EYS: variants seen among roughly 807,000 people sequenced by gnomAD.
The protein encoded by EYS is protein eyes shut homolog.
Under a neutral mutation model 282.1 loss-of-function variants are expected in EYS, and 250 were observed. That is an observed-to-expected ratio of 0.89 (90% CI 0.80 to 0.98). The LOEUF is 0.98. Among genes scored for constraint, EYS ranks in the 50% least tolerant of loss-of-function variants. The probability of loss-of-function intolerance (pLI) is 0.00; values close to 1 mark genes in which losing one functional copy is unlikely to be tolerated. For missense variants in EYS, 4,016 were observed against 3,709.0 expected (o/e 1.08, Z -2.15); for synonymous variants, 1,355 against 1,282.9 (o/e 1.06, Z -1.20).
At chr6:64,461,857 C>T (rs906017642) in intron 26 of EYS, among the ~76,000 whole-genome samples, 35 of 151,800 alleles carry the variant, frequency 2.3e-4, no homozygotes, top group African/African-American at 5.3e-4. Flanking sequence ...GTTTTCAGGA[C>T]GCATATTTTG....
intron 30 of EYS, among the ~76,000 whole-genome samples, chr6:64,294,176 A>C (rs1768819341): frequency 6.6e-6 from 1 of 152,180 alleles, no homozygotes; most frequent in South Asian, 2.1e-4. Flanking sequence ...AGCAAACATA[A>C]AACCAAATAA....
intron 2 of EYS, among the ~76,000 whole-genome samples, chr6:65,606,446 GT>G (rs565877090): frequency 6.7e-4 from 101 of 151,694 alleles, no homozygotes; most frequent in African/African-American, 2.3e-3. Flanking sequence ...TTTGAATTTT[GT>G]TTTTTTGAAA....
intron 19 of EYS, among the ~76,000 whole-genome samples, chr6:64,866,024 T>C (rs1766415281): frequency 6.6e-6 from 1 of 152,026 alleles, no homozygotes; most frequent in Non-Finnish European, 1.5e-5. Context: ...AAATTGAAAG[T>C]GTTAAGTAAA....
At position 64,746,946 on chromosome 6, in the gene EYS, A is replaced by T. The variant is rs150805052; in HGVS notation, c.3443+66432T>A. On this transcript the variant is annotated intron_variant, in intron 22 of 42. Transcript: ENST00000503581. The stretch of plus-strand genomic sequence containing the variant: ...TGGTCTATGGTACTGGAAACAGAAG[A>T]GTACTCAGATTTCTGGCTGCTAAGA... Among the ~76,000 whole-genome samples, 47 of 152,336 alleles carry T rather than the reference A, an allele frequency of 3.1e-4. No individual in the cohort carries two copies. The East Asian group carries it at 3.9e-3, about 13-fold the overall frequency.
At chr6:65,524,232 T>C (rs1156820333) in intron 2 of EYS, among the ~76,000 whole-genome samples, 1 of 149,066 alleles carries the variant, frequency 6.7e-6, no homozygotes, top group Non-Finnish European at 1.5e-5. Context: ...AGTAACTCTC[T>C]TCTTTGTCTG....
At chr6:63,768,591 G>A (rs947092853) in intron 40 of EYS, among the ~76,000 whole-genome samples, 1 of 152,074 alleles carries the variant, frequency 6.6e-6, no homozygotes, top group Admixed American at 6.6e-5. Context: ...CATTGGTGAG[G>A]TTGCAATGAA....
chr6:64,018,538 T>G (rs1769005465), intron 33 of EYS, among the ~76,000 whole-genome samples: 1 of 152,160 alleles, frequency 6.6e-6, no homozygotes, highest in African/African-American at 2.4e-5. Context: ...GTGTCTCAAT[T>G]GAAATTTGAT....
chr6:64,943,529 C>T (rs1182654595), intron 15 of EYS, among the ~76,000 whole-genome samples: 1 of 152,050 alleles, frequency 6.6e-6, no homozygotes, highest in African/African-American at 2.4e-5. Context: ...GCACCAATAA[C>T]ATTCAAGCTG....
intron 28 of EYS, among the ~76,000 whole-genome samples, chr6:64,433,818 G>C (rs1774649322): frequency 6.6e-6 from 1 of 151,982 alleles, no homozygotes; most frequent in African/African-American, 2.4e-5. Context: ...AATACAGACT[G>C]TCCATGTTTA....
At chr6:64,255,543 A>C (rs775012736) in intron 30 of EYS, among the ~76,000 whole-genome samples, 8 of 152,082 alleles carry the variant, frequency 5.3e-5, no homozygotes, top group Non-Finnish European at 1.0e-4. Flanking sequence ...AAAAAGTTCA[A>C]GACATTTTGA....
intron 35 of EYS, among the ~76,000 whole-genome samples, chr6:63,905,232 A>T (rs1773746354): frequency 7.0e-6 from 1 of 143,022 alleles, no homozygotes; most frequent in African/African-American, 2.6e-5. Context: ...CGTAGCATGT[A>T]TCAGTACTTT....
intron 12 of EYS, among the ~76,000 whole-genome samples, chr6:65,128,531 T>C (rs145973700): frequency 7.9e-5 from 12 of 152,004 alleles, no homozygotes; most frequent in African/African-American, 2.9e-4. Flanking sequence ...CATACACAAA[T>C]AAAGTTTAAG....
At chr6:64,451,414 G>A (rs541263896) in intron 26 of EYS, among the ~76,000 whole-genome samples, 120 of 152,146 alleles carry the variant, frequency 7.9e-4, no homozygotes, top group Middle Eastern at 3.4e-3. Context: ...ATTCACAGCC[G>A]AATTCTACCA....
chr6:64,695,252 T>A (rs1433964467), intron 22 of EYS, among the ~76,000 whole-genome samples: 1 of 152,058 alleles, frequency 6.6e-6, no homozygotes, highest in African/African-American at 2.4e-5. Flanking sequence ...GCATAAGCCC[T>A]ATTGCCACCA....
At chr6:63,908,001 CACACACAA>C (rs1278427885) in intron 35 of EYS, among the ~76,000 whole-genome samples, 1 of 68,348 alleles carries the variant, frequency 1.5e-5, no homozygotes, top group East Asian at 5.0e-4. Context: ...CACACACACA[CACACACAA>C]ACGTATATAT....
chr6:65,640,991 C>T (rs954815996), intron 1 of EYS, among the ~76,000 whole-genome samples: 1 of 152,072 alleles, frequency 6.6e-6, no homozygotes, highest in Non-Finnish European at 1.5e-5. Context: ...TCACTCTGTC[C>T]TGTATATACT....
rs749343176 is a variant in EYS, at chr6:64,562,924, AT to A, written c.5644+27298del. 3.2e-4 allele frequency among the ~76,000 whole-genome samples: 49 copies of A among 152,132 alleles called. 2 individuals carry two copies. The East Asian group carries it at 4.0e-3, about 13-fold the overall frequency. On this transcript the variant is annotated intron_variant, in intron 26 of 42. Transcript: ENST00000503581. ...TCATTTGGTTGCAGACAAATGAATT[AT>A]TCTCTATAAATTGCATAACTGTCAA...
intron 19 of EYS, among the ~76,000 whole-genome samples, chr6:64,877,556 A>C (rs1766788306): frequency 6.6e-6 from 1 of 152,210 alleles, no homozygotes; most frequent in South Asian, 2.1e-4. Flanking sequence ...ATGGAGTGCA[A>C]GTTTACAAGG....
intron 26 of EYS, among the ~76,000 whole-genome samples, chr6:64,456,895 CCTTTACT>C (rs1408346383): frequency 1.3e-4 from 19 of 152,000 alleles, no homozygotes; most frequent in Admixed American, 1.1e-3. Flanking sequence ...ATTATATTGT[CCTTTACT>C]CTTTACATAG....
Sources: gnomAD v4.1 joint callset for allele counts (sites outside exome capture counted in the v4.1 genomes callset) on GRCh38, gnomAD v4.1.1 for gene constraint, MANE v1.5 for transcripts, NCBI Gene and HGNC (gene_info 2026-07-23, HGNC 2026-07-21) for gene names.